RALYL: variants seen among roughly 807,000 people sequenced by gnomAD.
The protein encoded by RALYL is RNA-binding Raly-like protein.
Under a neutral mutation model 35.1 loss-of-function variants are expected in RALYL, and 29 were observed. The observed-to-expected ratio is 0.83, with a 90% CI of 0.61 to 1.13. RALYL has a LOEUF of 1.13. Ranked by LOEUF, RALYL falls within the 50% of genes most tolerant of loss-of-function variation. The pLI, the probability that RALYL is intolerant of heterozygous loss-of-function variation, is 0.00. For synonymous variants in RALYL, 120 were observed against 127.6 expected (o/e 0.94, Z 0.40); for missense variants, 359 against 360.4 (o/e 1.00, Z 0.03).
intron 1 of RALYL, among the ~76,000 whole-genome samples, chr8:84,350,247 A>G (rs1362916386): frequency 6.7e-6 from 1 of 150,352 alleles, no homozygotes; most frequent in Non-Finnish European, 1.5e-5. Flanking sequence ...TGACACTCCC[A>G]ATATCTTCTG....
Position 84,504,165 on chromosome 8 carries a change from ATGT to A in RALYL, c.-23-25129_-23-25127del, listed in dbSNP as rs568799988. Among the ~76,000 whole-genome samples, 351 of 152,224 alleles carry A rather than the reference ATGT, an allele frequency of 2.3e-3. 2 individuals carry two copies. Among genetic ancestry groups the A allele is most frequent in the Admixed American group, 4.1e-3 (62 of 15,266 alleles). ...AAAAATAAAGTTTTAAAATAGGTAA[ATGT>A]TGTTTAACAGGCAATTCAAAAAAGA... On this transcript the variant is annotated intron_variant, in intron 1 of 8. Transcript: ENST00000521268.
chr8:84,726,826 G>T (rs929066016), intron 2 of RALYL, among the ~76,000 whole-genome samples: 2 of 151,998 alleles, frequency 1.3e-5, no homozygotes, highest in African/African-American at 4.8e-5. Context: ...AATGTACTGT[G>T]CTAGGCCTTG....
chr8:84,609,204 C>T (rs1817783409), intron 2 of RALYL, among the ~76,000 whole-genome samples: 1 of 152,142 alleles, frequency 6.6e-6, no homozygotes, highest in Non-Finnish European at 1.5e-5. Context: ...TATTGAATCC[C>T]TCCCAATGTG....
At chr8:84,619,824 A>G (rs2131040925) in intron 2 of RALYL, among the ~76,000 whole-genome samples, 1 of 151,796 alleles carries the variant, frequency 6.6e-6, no homozygotes, top group Middle Eastern at 3.4e-3. Flanking sequence ...GCTTGTCTGT[A>G]AAGTATTCTA....
intron 5 of RALYL, among the ~76,000 whole-genome samples, chr8:84,851,125 T>A (rs1835771631): frequency 6.6e-6 from 1 of 152,204 alleles, no homozygotes; most frequent in African/African-American, 2.4e-5. Flanking sequence ...TTCTTTTGAT[T>A]ATTCAATTTT....
intron 2 of RALYL, among the ~76,000 whole-genome samples, chr8:84,713,582 A>G (rs1253960116): frequency 6.6e-6 from 1 of 151,976 alleles, no homozygotes; most frequent in Non-Finnish European, 1.5e-5. Context: ...TAAAGTGACA[A>G]CAAGTGTCAG....
At chr8:84,550,580 T>A (rs1163245862) in intron 2 of RALYL, among the ~76,000 whole-genome samples, 1 of 151,438 alleles carries the variant, frequency 6.6e-6, no homozygotes, top group Non-Finnish European at 1.5e-5. Flanking sequence ...GTTTCTTTAA[T>A]AAAATATTAT....
rs535282744 is a variant in RALYL, at chr8:84,346,738, T to A, written c.-24+162314T>A. On this transcript the variant is annotated intron_variant, in intron 1 of 8. Coordinates refer to ENST00000521268, the MANE Select transcript of RALYL (RefSeq NM_173848.7). ...CCCATCTTAGCCTCCCAAAGTCTAA[T>A]GTTCTTTACAGGCCTATGAGTATTT... Among the ~76,000 whole-genome samples the A allele has an allele frequency of 1.5e-3, 230 of 152,228 alleles. 1 individual carries two copies. The highest frequency in any genetic ancestry group is 5.4e-3 in the African/African-American group (225 of 41,548).
chr8:84,505,155 G>C (rs1186046463), intron 1 of RALYL, among the ~76,000 whole-genome samples: 2 of 152,120 alleles, frequency 1.3e-5, no homozygotes, highest in Non-Finnish European at 2.9e-5. Context: ...AGCATCCTGA[G>C]ATTCCTATTT....
chr8:84,224,566 T>C (rs552162674), intron 1 of RALYL, among the ~76,000 whole-genome samples: 3 of 152,262 alleles, frequency 2.0e-5, no homozygotes, highest in African/African-American at 7.2e-5. Context: ...TTGAAAATTA[T>C]ATATTTAAGC....
chr8:84,580,273 A>G (rs1292372243), intron 2 of RALYL, among the ~76,000 whole-genome samples: 1 of 152,212 alleles, frequency 6.6e-6, no homozygotes, highest in African/African-American at 2.4e-5. Context: ...GAGTTGCTAT[A>G]AAGGAATACC....
intron 2 of RALYL, among the ~76,000 whole-genome samples, chr8:84,591,539 T>G (rs1262462663): frequency 6.6e-6 from 1 of 152,140 alleles, no homozygotes; most frequent in South Asian, 2.1e-4. Flanking sequence ...AAGCACACTT[T>G]CCCTCTTCTC....
chr8:84,727,244 T>C (rs1234779317), intron 2 of RALYL, among the ~76,000 whole-genome samples: 2 of 151,996 alleles, frequency 1.3e-5, no homozygotes, highest in Non-Finnish European at 2.9e-5. Context: ...TTAAGATGTA[T>C]GAGACATGAT....
chr8:84,859,288 C>A (rs1192241206), intron 5 of RALYL, among the ~76,000 whole-genome samples: 1 of 152,004 alleles, frequency 6.6e-6, no homozygotes, highest in Non-Finnish European at 1.5e-5. Context: ...AAAAAGGTGG[C>A]AGGATGAGGA....
intron 4 of RALYL, among the ~76,000 whole-genome samples, chr8:84,848,415 GTATATATATATGTGTGTGTGTGTATA>G (rs1269278300): frequency 4.8e-5 from 7 of 144,676 alleles, no homozygotes; most frequent in Non-Finnish European, 1.1e-4. Flanking sequence ...ATATGTGTGT[GTATATATATATGTGTGTGTGTGTATA>G]TATATATATA....
intron 3 of RALYL, among the ~76,000 whole-genome samples, chr8:84,776,455 A>G (rs1183424573): frequency 6.6e-6 from 1 of 152,188 alleles, no homozygotes; most frequent in Non-Finnish European, 1.5e-5. Flanking sequence ...TCATGGGGTA[A>G]TATTGACATT....
intron 2 of RALYL, among the ~76,000 whole-genome samples, chr8:84,704,223 G>A (rs574713139): frequency 1.2e-4 from 19 of 152,244 alleles, no homozygotes; most frequent in Admixed American, 2.0e-4. Context: ...TCAGGAGTTC[G>A]AGATCAGCCT....
At chr8:84,222,186 A>G (rs1025356888) in intron 1 of RALYL, among the ~76,000 whole-genome samples, 5 of 152,112 alleles carry the variant, frequency 3.3e-5, no homozygotes, top group Non-Finnish European at 5.9e-5. Flanking sequence ...TATGCTTGCA[A>G]TAATTAAAGA....
intron 8 of RALYL, among the ~76,000 whole-genome samples, chr8:84,904,059 G>T (rs1024870711): frequency 6.6e-6 from 1 of 152,120 alleles, no homozygotes; most frequent in Non-Finnish European, 1.5e-5. Flanking sequence ...TTCTCAAATC[G>T]CAGATTATAT....
Sources: gnomAD v4.1 joint callset for allele counts (sites outside exome capture counted in the v4.1 genomes callset) on GRCh38, gnomAD v4.1.1 for gene constraint, MANE v1.5 for transcripts, NCBI Gene and HGNC (gene_info 2026-07-23, HGNC 2026-07-21) for gene names.